The following GALNT13 variants were observed in gnomAD, a reference collection of about 807,000 sequenced individuals.
GALNT13 encodes the protein polypeptide N-acetylgalactosaminyltransferase 13, also known as UDP-GalNAc:polypeptide N-acetylgalactosaminyltransferase 13.
Under a neutral mutation model 64.2 loss-of-function variants are expected in GALNT13, and 28 were observed. The observed-to-expected ratio is 0.44, with a 90% CI of 0.32 to 0.60. GALNT13 has a LOEUF of 0.60. Ranked by LOEUF, GALNT13 falls within the 20% of genes least tolerant of loss-of-function variation. The probability of loss-of-function intolerance (pLI) is 0.05; values close to 1 mark genes in which losing one functional copy is unlikely to be tolerated. For missense variants in GALNT13, 577 were observed against 669.8 expected, an observed-to-expected ratio of 0.86 and a Z score of 1.53; for synonymous variants, 214 against 224.6, an observed-to-expected ratio of 0.95 and a Z score of 0.42.
chr2:153,978,959 A>G (rs1288606268), intron 3 of GALNT13, among the ~76,000 whole-genome samples: 1 of 152,098 alleles, frequency 6.6e-6, no homozygotes, highest in Non-Finnish European at 1.5e-5. Flanking sequence ...AAAATAAACA[A>G]TAAGGAAAGA....
chr2:153,374,365 T>G, the GALNT13 span, among the ~76,000 whole-genome samples: 7 of 152,180 alleles, frequency 4.6e-5, no homozygotes, highest in Admixed American at 2.6e-4. Context: ...CATGTACTTA[T>G]TAGCCATTGA....
At chr2:153,786,538 A>G in the GALNT13 span, among the ~76,000 whole-genome samples, 661 of 152,006 alleles carry the variant, frequency 4.3e-3, no homozygotes, top group Admixed American at 8.8e-3. Flanking sequence ...GGGAAGAAAC[A>G]AAGAGCCTAG....
intron 3 of GALNT13, among the ~76,000 whole-genome samples, chr2:154,139,993 T>C (rs1683167365): frequency 6.6e-6 from 1 of 152,118 alleles, no homozygotes; most frequent in African/African-American, 2.4e-5. Context: ...TTAAAGTTCT[T>C]TTATTTTGCA....
intron 9 of GALNT13, among the ~76,000 whole-genome samples, chr2:154,303,744 C>T (rs143015458): frequency 8.7e-4 from 132 of 151,990 alleles, no homozygotes; most frequent in African/African-American, 3.1e-3. Context: ...AAGTTTAGTC[C>T]TCATAAGGAA....
the GALNT13 span, among the ~76,000 whole-genome samples, chr2:153,688,988 AG>A: frequency 4.1e-5 from 4 of 97,170 alleles, no homozygotes; most frequent in Admixed American, 1.4e-4. Context: ...AGGTAGAGGT[AG>A]GGGTGTGTGT....
the GALNT13 span, among the ~76,000 whole-genome samples, chr2:153,771,930 C>T: frequency 2.6e-5 from 4 of 152,168 alleles, no homozygotes; most frequent in African/African-American, 9.7e-5. Flanking sequence ...GTGGGGCACT[C>T]TACCCTGGTT....
the GALNT13 span, among the ~76,000 whole-genome samples, chr2:153,464,687 G>A: frequency 6.6e-6 from 1 of 152,066 alleles, no homozygotes; most frequent in Non-Finnish European, 1.5e-5. Flanking sequence ...GTCACACCAT[G>A]TTGTAAAATT....
chr2:153,664,597 A>C, the GALNT13 span, among the ~76,000 whole-genome samples: 1 of 152,200 alleles, frequency 6.6e-6, no homozygotes, highest in South Asian at 2.1e-4. Flanking sequence ...AGGAAATTAT[A>C]AGAGTATTGA....
intron 3 of GALNT13, among the ~76,000 whole-genome samples, chr2:154,047,580 T>C (rs1699354509): frequency 6.6e-6 from 1 of 152,236 alleles, no homozygotes; most frequent in Non-Finnish European, 1.5e-5. Flanking sequence ...GTTCAACTCA[T>C]AGTACTGTGA....
intron 8 of GALNT13, among the ~76,000 whole-genome samples, chr2:154,298,776 T>G (rs13411665): frequency 8.1e-6 from 1 of 123,594 alleles, no homozygotes; most frequent in African/African-American, 3.1e-5. Context: ...AATTATATAT[T>G]TATTTATATA....
intron 4 of GALNT13, among the ~76,000 whole-genome samples, chr2:154,225,167 T>C (rs1222678452): frequency 1.4e-5 from 2 of 142,858 alleles, no homozygotes; most frequent in African/African-American, 2.8e-5. Flanking sequence ...AGATGATAGA[T>C]AGATAGATAG....
intron 10 of GALNT13, among the ~76,000 whole-genome samples, chr2:154,407,853 A>T (rs541244667): frequency 6.6e-6 from 1 of 152,076 alleles, no homozygotes. Flanking sequence ...ACTTTCCCCA[A>T]CTCCAGGTAC....
intron 9 of GALNT13, among the ~76,000 whole-genome samples, chr2:154,375,528 T>G (rs1033583861): frequency 1.3e-5 from 2 of 152,088 alleles, no homozygotes; most frequent in Non-Finnish European, 2.9e-5. Flanking sequence ...ATGTAACCAC[T>G]AGCCTGGGAA....
At chr2:153,792,791 G>A in the GALNT13 span, among the ~76,000 whole-genome samples, 1 of 151,940 alleles carries the variant, frequency 6.6e-6, no homozygotes, top group East Asian at 1.9e-4. Flanking sequence ...AAGAGAATAG[G>A]AATATTCTTA....
At chr2:154,360,150 ATTGT>A (rs1331508768) in intron 9 of GALNT13, among the ~76,000 whole-genome samples, 2 of 151,970 alleles carry the variant, frequency 1.3e-5, no homozygotes, top group Non-Finnish European at 2.9e-5. Context: ...TTTTTCCTTG[ATTGT>A]TTGTAAATAT....
chr2:154,325,655 C>T (rs996624831), intron 9 of GALNT13, among the ~76,000 whole-genome samples: 1 of 151,494 alleles, frequency 6.6e-6, no homozygotes, highest in Admixed American at 6.6e-5. Flanking sequence ...TGATGGGGTA[C>T]GTGTGATGCT....
chr2:154,282,498 A>T (rs1340737303), intron 8 of GALNT13, among the ~76,000 whole-genome samples: 5 of 152,176 alleles, frequency 3.3e-5, no homozygotes, highest in Admixed American at 3.3e-4. Flanking sequence ...TAAAAAGACT[A>T]ATCTAAATCA....
intron 8 of GALNT13, among the ~76,000 whole-genome samples, chr2:154,275,779 C>T (rs1469540966): frequency 2.6e-5 from 4 of 152,188 alleles, no homozygotes; most frequent in African/African-American, 9.7e-5. Context: ...CAACAGCTTG[C>T]ACTGTGTACC....
the GALNT13 span, among the ~76,000 whole-genome samples, chr2:153,719,468 C>T: frequency 4.5e-4 from 68 of 152,194 alleles, no homozygotes; most frequent in African/African-American, 1.3e-3. Flanking sequence ...CCAAGATGGC[C>T]GAATAGGAAC....
Sources: gnomAD v4.1 joint callset for allele counts (sites outside exome capture counted in the v4.1 genomes callset) on GRCh38, gnomAD v4.1.1 for gene constraint, MANE v1.5 for transcripts, NCBI Gene and HGNC (gene_info 2026-07-23, HGNC 2026-07-21) for gene names.